CAMTA1: variants seen among roughly 807,000 people sequenced by gnomAD.
CAMTA1 encodes calmodulin-binding transcription activator 1.
In CAMTA1, 27 loss-of-function variants were observed where a neutral mutation model predicts 170.9. That is an observed-to-expected ratio of 0.16 (90% CI 0.12 to 0.22). The LOEUF (loss-of-function observed/expected upper bound fraction) is 0.22, where lower values mean the gene tolerates loss of function less well. Among genes scored for constraint, CAMTA1 ranks in the 10% least tolerant of loss-of-function variants. The probability of loss-of-function intolerance (pLI) is 1.00; values close to 1 mark genes in which losing one functional copy is unlikely to be tolerated. For synonymous variants in CAMTA1, 833 were observed against 891.5 expected, an observed-to-expected ratio of 0.93 and a Z score of 1.17; for missense variants, 1,619 against 2,217.2, an observed-to-expected ratio of 0.73 and a Z score of 5.42.
At chr1:7,100,231 C>T (rs1642559965) in intron 4 of CAMTA1, among the ~76,000 whole-genome samples, 1 of 152,216 alleles carries the variant, frequency 6.6e-6, no homozygotes, top group Non-Finnish European at 1.5e-5. Context: ...GCATCTGCTT[C>T]CCGTCTCTCC....
intron 4 of CAMTA1, among the ~76,000 whole-genome samples, chr1:7,181,156 T>A (rs1396353119): frequency 6.6e-6 from 1 of 152,154 alleles, no homozygotes. Flanking sequence ...ATAATGATTA[T>A]CTCCATAAAT....
At chr1:7,110,437 C>T (rs1421362886) in intron 4 of CAMTA1, among the ~76,000 whole-genome samples, 1 of 152,174 alleles carries the variant, frequency 6.6e-6, no homozygotes, top group Non-Finnish European at 1.5e-5. Context: ...TTTAAAATGA[C>T]CTAATAGCTG....
rs571533969 is a variant in CAMTA1, at chr1:7,103,124, G to T, written c.302+11753G>T. Among the ~76,000 whole-genome samples, 212 of 151,954 alleles carry T rather than the reference G, an allele frequency of 1.4e-3. 2 individuals carry two copies. Among genetic ancestry groups the T allele is most frequent in the East Asian group, 2.3e-3 (12 of 5,166 alleles). ...CAGAGGGGCTGCGGGGTGCAGTGGG[G>T]GTTCCCAGCGGGGTGGGGGGTACCC... On this transcript the variant is annotated intron_variant, in intron 4 of 22. Transcript: ENST00000303635.
At chr1:6,986,822 G>A (rs1227696645) in intron 3 of CAMTA1, among the ~76,000 whole-genome samples, 1 of 152,038 alleles carries the variant, frequency 6.6e-6, no homozygotes, top group Middle Eastern at 3.2e-3. Flanking sequence ...GGAGCTGGGC[G>A]TTGAGTTTCC....
chr1:7,639,672 G>A (rs1340396803), intron 6 of CAMTA1, among the ~76,000 whole-genome samples: 2 of 152,106 alleles, frequency 1.3e-5, no homozygotes, highest in African/African-American at 4.8e-5. Context: ...TCAGGAGGCT[G>A]AAGTGGGAGG....
At chr1:7,610,086 G>A (rs377499047) in intron 6 of CAMTA1, among the ~76,000 whole-genome samples, 36 of 152,262 alleles carry the variant, frequency 2.4e-4, no homozygotes, top group African/African-American at 6.0e-4. Context: ...ATTCTGCAAC[G>A]GAGAAGCATG....
intron 21 of CAMTA1, among the ~76,000 whole-genome samples, chr1:7,753,005 T>C (rs1577425456): frequency 6.6e-6 from 1 of 152,326 alleles, no homozygotes; most frequent in Middle Eastern, 3.4e-3. Context: ...TGGTGCCCTC[T>C]GCTGGTCATG....
intron 6 of CAMTA1, among the ~76,000 whole-genome samples, chr1:7,613,391 G>A (rs967022242): frequency 4.6e-5 from 7 of 152,128 alleles, no homozygotes; most frequent in Non-Finnish European, 1.0e-4. Flanking sequence ...CTGGTGCAGA[G>A]CACACAGGAG....
chr1:7,550,666 T>G (rs1400758228), intron 6 of CAMTA1, among the ~76,000 whole-genome samples: 1 of 144,884 alleles, frequency 6.9e-6, no homozygotes, highest in Non-Finnish European at 1.5e-5. Context: ...TCCTCGCAGC[T>G]GGCCCTCCCC....
intron 4 of CAMTA1, among the ~76,000 whole-genome samples, chr1:7,125,776 C>G (rs576191186): frequency 6.6e-6 from 1 of 152,298 alleles, no homozygotes; most frequent in Admixed American, 6.5e-5. Flanking sequence ...ATACATCACC[C>G]AACCTGAGGA....
intron 6 of CAMTA1, among the ~76,000 whole-genome samples, chr1:7,584,891 G>T (rs1479562276): frequency 6.6e-6 from 1 of 152,300 alleles, no homozygotes; most frequent in Non-Finnish European, 1.5e-5. Context: ...AGCCCCCACG[G>T]TGGAGTTATC....
intron 5 of CAMTA1, among the ~76,000 whole-genome samples, chr1:7,389,967 G>A (rs780571917): frequency 1.3e-5 from 2 of 152,138 alleles, no homozygotes; most frequent in Admixed American, 6.5e-5. Flanking sequence ...TGTGTCCCCC[G>A]CCTTCCATTG....
At chr1:7,433,649 A>T (rs1347306409) in intron 5 of CAMTA1, among the ~76,000 whole-genome samples, 2 of 152,264 alleles carry the variant, frequency 1.3e-5, no homozygotes, top group Admixed American at 6.5e-5. Flanking sequence ...CAATCCCAGA[A>T]GGCCACATAC....
chr1:7,672,382 C>T (rs2096068449), intron 10 of CAMTA1, among the ~76,000 whole-genome samples: 1 of 152,040 alleles, frequency 6.6e-6, no homozygotes, highest in African/African-American at 2.4e-5. Context: ...AGTCCCACCA[C>T]CCATTTCTCC....
At chr1:6,945,440 C>T (rs1338534169) in intron 3 of CAMTA1, among the ~76,000 whole-genome samples, 1 of 152,024 alleles carries the variant, frequency 6.6e-6, no homozygotes, top group Non-Finnish European at 1.5e-5. Flanking sequence ...TCTCAACCTC[C>T]TGGGTTTAGG....
In CAMTA1 at chr1:7,570,195, C is replaced by A. The variant is rs1019562281; in HGVS notation, c.511-70205C>A. Among the ~76,000 whole-genome samples the A allele has an allele frequency of 6.6e-6, 1 of 152,180 alleles. No individual in the cohort carries two copies. Among genetic ancestry groups the A allele is most frequent in the Non-Finnish European group, 1.5e-5 (1 of 68,034 alleles). On this transcript the variant is annotated intron_variant, in intron 6 of 22. Coordinates refer to ENST00000303635, the MANE Select transcript of CAMTA1 (RefSeq NM_015215.4). The surrounding 1 kb of genome is among the most constrained non-coding windows in gnomAD (Gnocchi z 4.3). ...TCCCTGCAGGACTGGTTGCCCCTCACGCCACCTCCTTCCTGTGATCCAATC... is the reference window on the plus strand; with the variant it reads ...TCCCTGCAGGACTGGTTGCCCCTCAAGCCACCTCCTTCCTGTGATCCAATC...
At chr1:7,713,582 A>C (rs1472495371) in intron 11 of CAMTA1, among the ~76,000 whole-genome samples, 2 of 152,220 alleles carry the variant, frequency 1.3e-5, no homozygotes, top group African/African-American at 4.8e-5. Flanking sequence ...TGTTTCACCT[A>C]GTATTTCCAA....
At chr1:6,803,064 T>C (rs1215543247) in intron 1 of CAMTA1, among the ~76,000 whole-genome samples, 2 of 152,178 alleles carry the variant, frequency 1.3e-5, no homozygotes, top group South Asian at 2.1e-4. Flanking sequence ...ACTTTTTCTT[T>C]GAATAGTGGA....
rs1195204197 is a variant in CAMTA1 at position 7,655,201 on chromosome 1, TACAC to T, written c.665-6521_665-6518del. On this transcript the variant is annotated intron_variant, in intron 7 of 22. Transcript: ENST00000303635. ...ACCTATACACAAACACACACCCCTATACACACAAACACACCCATCTATACACACA... is the reference window on the plus strand; with the variant it reads ...ACCTATACACAAACACACACCCCTATACAAACACACCCATCTATACACACA... Among the ~76,000 whole-genome samples the T allele has an allele frequency of 2.1e-4, 23 of 107,588 alleles. No individual in the cohort carries two copies. In the East Asian group the frequency reaches 6.1e-3, roughly 28 times the overall value. 70.6% of individuals were successfully genotyped at this position (107,588 alleles called of 152,430 possible).
Sources: gnomAD v4.1 joint callset for allele counts (sites outside exome capture counted in the v4.1 genomes callset) on GRCh38, gnomAD v4.1.1 for gene constraint, Gnocchi (gnomAD v3.1) non-coding constraint, MANE v1.5 for transcripts, NCBI Gene and HGNC (gene_info 2026-07-23, HGNC 2026-07-21) for gene names.